Variants in TTC6 observed in about 807,000 individuals in gnomAD.
The protein encoded by TTC6 is tetratricopeptide repeat protein 6.
A neutral mutation model predicts 210.4 loss-of-function variants in TTC6; 172 were observed. The observed-to-expected ratio is 0.82, with a 90% confidence interval of 0.72 to 0.93. The LOEUF (loss-of-function observed/expected upper bound fraction) is 0.93, where lower values mean the gene tolerates loss of function less well. Ranked by LOEUF, TTC6 falls within the 40% of genes least tolerant of loss-of-function variation. The probability of loss-of-function intolerance (pLI) is 0.00; values close to 1 mark genes in which losing one functional copy is unlikely to be tolerated. For missense variants in TTC6, 2,414 were observed against 2,318.1 expected, an observed-to-expected ratio of 1.04 and a Z score of -0.85; for synonymous variants, 804 against 819.6, an observed-to-expected ratio of 0.98 and a Z score of 0.32.
chr14:37,796,969 G>A (rs188958632), intron 20 of TTC6, 22 bp downstream of exon 22: 28,684 of 1,572,950 alleles, frequency 0.018, 295 homozygotes, highest in Non-Finnish European at 0.022. Context: ...TCTGAGTAAT[G>A]TTTACTAAAC....
At chr14:37,802,835 C>T (rs2096110041) in intron 20 of TTC6, among the ~76,000 whole-genome samples, 1 of 151,504 alleles carries the variant, frequency 6.6e-6, no homozygotes, top group Admixed American at 6.6e-5. Context: ...TGGGTTCAAG[C>T]AATTCTCCTG....
chr14:37,622,470 C>T (rs1044884106), exon 1 of TTC6: 1 of 1,535,140 alleles, frequency 6.5e-7, no homozygotes, highest in Non-Finnish European at 8.7e-7. Context: ...CCTGAAAAAG[C>T]CCCCAGTCAT....
chr14:37,642,630 T>C (rs147089806), intron 1 of TTC6, among the ~76,000 whole-genome samples: 7 of 152,210 alleles, frequency 4.6e-5, no homozygotes, highest in African/African-American at 1.7e-4. Context: ...CCCTATCTCT[T>C]TTTTTGGAAG....
chr14:37,761,533 G>T (rs898626863), intron 14 of TTC6, among the ~76,000 whole-genome samples: 50 of 151,964 alleles, frequency 3.3e-4, no homozygotes, highest in Admixed American at 1.2e-3. Context: ...ACAGCATAAT[G>T]ACTTATCATA....
chr14:37,722,483 G>T (rs2138814465), intron 6 of TTC6, among the ~76,000 whole-genome samples: 1 of 152,212 alleles, frequency 6.6e-6, no homozygotes, highest in Non-Finnish European at 1.5e-5. Flanking sequence ...GAGTAGCTAG[G>T]ACTACAGGCA....
chr14:37,731,530 C>G (rs1047148623), intron 7 of TTC6, among the ~76,000 whole-genome samples: 2 of 152,156 alleles, frequency 1.3e-5, no homozygotes, highest in African/African-American at 2.4e-5. Context: ...TTAAATCTGC[C>G]ACTGTGGTGT....
intron 7 of TTC6, among the ~76,000 whole-genome samples, chr14:37,734,200 C>A (rs2095895327): frequency 6.6e-6 from 1 of 152,070 alleles, no homozygotes; most frequent in Admixed American, 6.6e-5. Context: ...CTCTGACTAC[C>A]CTCGTGATAG....
chr14:37,704,347 G>T (rs2095831362), intron 5 of TTC6, among the ~76,000 whole-genome samples: 1 of 152,094 alleles, frequency 6.6e-6, no homozygotes, highest in Non-Finnish European at 1.5e-5. Context: ...GATCCACTGT[G>T]CCTGGCCAGA....
At chr14:37,777,319 TTGTC>T (rs924056430) in intron 14 of TTC6, among the ~76,000 whole-genome samples, 4 of 151,258 alleles carry the variant, frequency 2.6e-5, no homozygotes, top group African/African-American at 9.7e-5. Flanking sequence ...TTCTTTATTT[TTGTC>T]TGACTGAGTT....
chr14:37,804,287 A>T (rs956443037), intron 20 of TTC6, among the ~76,000 whole-genome samples: 1 of 152,042 alleles, frequency 6.6e-6, no homozygotes, highest in African/African-American at 2.4e-5. Context: ...GAGATCTTTT[A>T]CTACCTAGTA....
chr14:37,775,341 C>G (rs1298111118), intron 14 of TTC6, among the ~76,000 whole-genome samples: 3 of 152,148 alleles, frequency 2.0e-5, no homozygotes, highest in East Asian at 1.9e-4. Context: ...TGGCATCTTC[C>G]TAAGTTTCTA....
chr14:37,719,060 G>A (rs1046768647), intron 6 of TTC6, among the ~76,000 whole-genome samples: 1 of 152,154 alleles, frequency 6.6e-6, no homozygotes, highest in East Asian at 1.9e-4. Context: ...TGTGTCTACA[G>A]ATGAACATGT....
At chr14:37,772,094 G>T (rs916267395) in intron 14 of TTC6, among the ~76,000 whole-genome samples, 2 of 152,170 alleles carry the variant, frequency 1.3e-5, no homozygotes, top group Non-Finnish European at 1.5e-5. Context: ...CTGCTGGGGG[G>T]TGCCTCCCAG....
At chr14:37,657,212 CAAAAAAAAAA>C (rs61052302) in intron 1 of TTC6, among the ~76,000 whole-genome samples, 449 of 35,654 alleles carry the variant, frequency 0.013, 2 homozygotes, top group African/African-American at 0.041. Context: ...AACTCTGTCT[CAAAAAAAAAA>C]AAAAAAAAAA....
chr14:37,792,319 A>G, exon 17 of TTC6: 1 of 1,532,910 alleles, frequency 6.5e-7, no homozygotes, highest in Non-Finnish European at 8.7e-7. Context: ...ACACCTGGAT[A>G]ACTACACGGA....
intron 14 of TTC6, among the ~76,000 whole-genome samples, chr14:37,760,130 G>A (rs551272391): frequency 9.9e-5 from 15 of 152,278 alleles, no homozygotes; most frequent in Admixed American, 7.8e-4. Context: ...CCTCATGTTC[G>A]TGGATTTATC....
intron 29 of TTC6, among the ~76,000 whole-genome samples, chr14:37,836,256 A>G (rs1322895723): frequency 6.6e-6 from 1 of 152,158 alleles, no homozygotes; most frequent in Non-Finnish European, 1.5e-5. Context: ...TCAGTTTTAC[A>G]TCTATCCTGT....
chr14:37,711,576 C>T (rs1239594212), intron 5 of TTC6, among the ~76,000 whole-genome samples: 1 of 151,930 alleles, frequency 6.6e-6, no homozygotes, highest in Non-Finnish European at 1.5e-5. Flanking sequence ...ATTTTTTTTG[C>T]ATTGCAAATG....
At chr14:37,744,904 G>T (rs2095931323) in intron 10 of TTC6, among the ~76,000 whole-genome samples, 1 of 151,976 alleles carries the variant, frequency 6.6e-6, no homozygotes, top group Admixed American at 6.6e-5. Context: ...CTTGGTTTGG[G>T]GTGATAGCAA....
Sources: allele counts gnomAD v4.1 joint callset (sites outside exome capture counted in the v4.1 genomes callset), GRCh38; gene constraint gnomAD v4.1.1; transcripts MANE v1.5; gene names NCBI Gene and HGNC (gene_info 2026-07-23, HGNC 2026-07-21).